The following EYS variants were observed in gnomAD, a reference collection of about 807,000 sequenced individuals.
EYS encodes EGF-like photoreceptor maintenance factor, also known as protein eyes shut homolog.
EYS carries 250 observed loss-of-function variants against 282.1 expected under a neutral mutation model. That is an observed-to-expected ratio of 0.89 (90% CI 0.80 to 0.98). The LOEUF is 0.98. Ranked by LOEUF, EYS falls within the 50% of genes least tolerant of loss-of-function variation. The pLI, the probability that EYS is intolerant of heterozygous loss-of-function variation, is 0.00. For missense variants in EYS, 4,016 were observed against 3,709.0 expected, an observed-to-expected ratio of 1.08 and a Z score of -2.15; for synonymous variants, 1,355 against 1,282.9, an observed-to-expected ratio of 1.06 and a Z score of -1.20.
At chr6:64,393,353 C>A (rs1173460601) in intron 28 of EYS, among the ~76,000 whole-genome samples, 1 of 152,178 alleles carries the variant, frequency 6.6e-6, no homozygotes, top group Non-Finnish European at 1.5e-5. Flanking sequence ...GACCAATATC[C>A]TTGATGAACA....
intron 30 of EYS, among the ~76,000 whole-genome samples, chr6:64,301,698 G>T (rs1299414625): frequency 6.6e-6 from 1 of 152,130 alleles, no homozygotes; most frequent in African/African-American, 2.4e-5. Flanking sequence ...AGGCCATGTA[G>T]ACCTTGCCCT....
At chr6:65,204,515 T>G (rs1417182510) in intron 12 of EYS, among the ~76,000 whole-genome samples, 1 of 151,710 alleles carries the variant, frequency 6.6e-6, no homozygotes, top group African/African-American at 2.4e-5. Flanking sequence ...TCTTCCAGAT[T>G]GGACCTATAA....
intron 18 of EYS, among the ~76,000 whole-genome samples, chr6:64,890,193 T>C (rs1366036468): frequency 1.3e-5 from 2 of 152,108 alleles, no homozygotes; most frequent in Non-Finnish European, 2.9e-5. Context: ...CTCAAAACCC[T>C]GTCTCCTGAT....
intron 2 of EYS, among the ~76,000 whole-genome samples, chr6:65,501,824 C>A (rs1197745152): frequency 6.6e-6 from 1 of 151,528 alleles, no homozygotes; most frequent in Non-Finnish European, 1.5e-5. Flanking sequence ...ATTATCTAGA[C>A]AACTTTGCCG....
chr6:65,174,240 C>T lies in EYS; in HGVS notation c.2024-116513G>A, dbSNP rs181763263. Among the ~76,000 whole-genome samples the T allele has an allele frequency of 5.9e-4, 90 of 151,410 alleles. 1 individual carries two copies. The highest frequency in any genetic ancestry group is 1.8e-3 in the Admixed American group (27 of 15,144). Reference sequence around the variant, plus strand: ...AGAACATAATTTTATATAAAGCACACTCCACATTACATTTATATGGCTGTA... The same window carrying T: ...AGAACATAATTTTATATAAAGCACATTCCACATTACATTTATATGGCTGTA... On this transcript the variant is annotated intron_variant, in intron 12 of 42. Coordinates refer to ENST00000503581, the MANE Select transcript of EYS (RefSeq NM_001142800.2).
intron 13 of EYS, among the ~76,000 whole-genome samples, chr6:65,006,833 A>G (rs1771681639): frequency 6.6e-6 from 1 of 152,198 alleles, no homozygotes; most frequent in South Asian, 2.1e-4. Context: ...AAAGGTGCAA[A>G]CTGTTTGCAC....
chr6:64,650,027 T>C (rs1288181333), intron 22 of EYS, among the ~76,000 whole-genome samples: 1 of 152,072 alleles, frequency 6.6e-6, no homozygotes, highest in Non-Finnish European at 1.5e-5. Flanking sequence ...TTTAATATAA[T>C]TTGATATCTA....
At chr6:64,780,595 T>G (rs1395100635) in intron 22 of EYS, among the ~76,000 whole-genome samples, 2 of 152,098 alleles carry the variant, frequency 1.3e-5, no homozygotes, top group East Asian at 3.9e-4. Context: ...GATGGATGCA[T>G]TAGAAGCCAA....
chr6:64,686,854 T>TATATAC (rs1562134056), intron 22 of EYS, among the ~76,000 whole-genome samples: 13 of 19,736 alleles, frequency 6.6e-4, no homozygotes, highest in African/African-American at 1.8e-3. Flanking sequence ...TATATATATA[T>TATATAC]GTGTATATAT....
chr6:64,632,921 C>T (rs1212695420), intron 22 of EYS, among the ~76,000 whole-genome samples: 4 of 152,004 alleles, frequency 2.6e-5, no homozygotes, highest in African/African-American at 4.8e-5. Context: ...TGCTTTGTTG[C>T]AGAGACTGTG....
At chr6:63,791,434 C>T (rs1214247950) in intron 37 of EYS, among the ~76,000 whole-genome samples, 1 of 152,032 alleles carries the variant, frequency 6.6e-6, no homozygotes, top group Non-Finnish European at 1.5e-5. Context: ...CAAAATTAGC[C>T]GGGCGTGGTG....
intron 26 of EYS, among the ~76,000 whole-genome samples, chr6:64,508,856 G>A (rs1487464587): frequency 1.3e-5 from 2 of 151,772 alleles, no homozygotes; most frequent in Non-Finnish European, 2.9e-5. Context: ...AAGAAAGGGA[G>A]CTAATTTCCT....
At position 64,307,097 on chromosome 6, in the gene EYS, G is replaced by T; in HGVS notation, c.6079-15C>A. On this transcript the variant is annotated splice_polypyrimidine_tract_variant and intron_variant, in intron 29 of 42. Transcript: ENST00000503581. ...GGTACAGGCATCTGAGAGAGAGAGA[G>T]AGAGAGAGAAGTAGAGATAATTTAA... 3 of 1,146,470 alleles carry T rather than the reference G, an allele frequency of 2.6e-6. No homozygotes were observed. The highest frequency in any genetic ancestry group is 2.7e-5 in the South Asian group (2 of 74,626). 71.0% of individuals were successfully genotyped at this position (1,146,470 alleles called of 1,614,324 possible).
At chr6:65,452,766 TG>T (rs1764453049) in intron 5 of EYS, among the ~76,000 whole-genome samples, 1 of 152,016 alleles carries the variant, frequency 6.6e-6, no homozygotes. Context: ...TTCTTATATA[TG>T]GGCAAGTAAT....
intron 5 of EYS, among the ~76,000 whole-genome samples, chr6:65,475,296 T>C: frequency 6.6e-6 from 1 of 152,130 alleles, no homozygotes; most frequent in East Asian, 1.9e-4. Flanking sequence ...AAAAACAAAC[T>C]ACATTAGGTG....
At chr6:65,239,067 G>A (rs998185279) in intron 12 of EYS, among the ~76,000 whole-genome samples, 2 of 151,926 alleles carry the variant, frequency 1.3e-5, no homozygotes, top group Non-Finnish European at 2.9e-5. Context: ...TATTTTGTCA[G>A]GTAATCTCCA....
chr6:64,500,288 T>C (rs908046555), intron 26 of EYS, among the ~76,000 whole-genome samples: 1 of 152,160 alleles, frequency 6.6e-6, no homozygotes, highest in African/African-American at 2.4e-5. Flanking sequence ...TTATGTTGAA[T>C]ACAGTTTATA....
At chr6:64,130,344 G>A (rs951630164) in intron 31 of EYS, among the ~76,000 whole-genome samples, 1 of 152,128 alleles carries the variant, frequency 6.6e-6, no homozygotes, top group African/African-American at 2.4e-5. Context: ...CATGGATGAA[G>A]CTGGAAACCA....
chr6:64,295,200 C>A (rs7742917), intron 30 of EYS, among the ~76,000 whole-genome samples: 92,994 of 148,780 alleles, frequency 0.63, 29,810 homozygotes, highest in Non-Finnish European at 0.71. Context: ...TGGTGAAACC[C>A]CGTCTCTACT....
Sources: gnomAD v4.1 joint callset for allele counts (sites outside exome capture counted in the v4.1 genomes callset) on GRCh38, gnomAD v4.1.1 for gene constraint, MANE v1.5 for transcripts, NCBI Gene and HGNC (gene_info 2026-07-23, HGNC 2026-07-21) for gene names.